The following RSF1 variants were observed in gnomAD, a reference collection of about 807,000 sequenced individuals.
The protein encoded by RSF1 is HBV pX-associated protein 8.
In RSF1, 13 loss-of-function variants were observed where a neutral mutation model predicts 145.2. That is an observed-to-expected ratio of 0.09 (90% CI 0.06 to 0.14). RSF1 has a LOEUF of 0.14. Among genes scored for constraint, RSF1 ranks in the 10% least tolerant of loss-of-function variants. The pLI, the probability that RSF1 is intolerant of heterozygous loss-of-function variation, is 1.00. For synonymous variants in RSF1, 577 were observed against 592.6 expected, an observed-to-expected ratio of 0.97 and a Z score of 0.38; for missense variants, 1,517 against 1,718.2, an observed-to-expected ratio of 0.88 and a Z score of 2.07.
chr11:77,837,525 G>T, the RSF1 span, among the ~76,000 whole-genome samples: 1 of 152,002 alleles, frequency 6.6e-6, no homozygotes. Context: ...TGCGATCTTG[G>T]CTCATTGTTA....
chr11:77,699,932 CTATAT>C (rs1960373409), intron 6 of RSF1, among the ~76,000 whole-genome samples: 1 of 152,142 alleles, frequency 6.6e-6, no homozygotes, highest in South Asian at 2.1e-4. Context: ...AAAAGGGATA[CTATAT>C]CTACGGACAT....
At chr11:77,754,231 A>G (rs1031068636) in intron 2 of RSF1, among the ~76,000 whole-genome samples, 4 of 152,172 alleles carry the variant, frequency 2.6e-5, no homozygotes, top group Non-Finnish European at 5.9e-5. Context: ...ATATGCTGAA[A>G]ATAAAAAAGA....
chr11:77,777,575 A>G (rs1012019792), intron 1 of RSF1, among the ~76,000 whole-genome samples: 16 of 152,206 alleles, frequency 1.1e-4, no homozygotes, highest in African/African-American at 3.9e-4. Flanking sequence ...CCTGGGCAAC[A>G]AGAGCGAAAC....
At chr11:77,832,697 GAA>G in the RSF1 span, among the ~76,000 whole-genome samples, 1 of 133,356 alleles carries the variant, frequency 7.5e-6, no homozygotes, top group Admixed American at 7.7e-5. Flanking sequence ...TCTGTTTTAA[GAA>G]AAAAAAAAAA....
chr11:77,792,547 C>G (rs527296045), intron 1 of RSF1, among the ~76,000 whole-genome samples: 2 of 152,284 alleles, frequency 1.3e-5, no homozygotes, highest in East Asian at 3.9e-4. Context: ...GCTAGCAACC[C>G]AGTCCCCAGG....
intron 7 of RSF1, among the ~76,000 whole-genome samples, 153 bp from the exon 8 acceptor site, chr11:77,693,764 C>CATTTATTTATTT (rs149549639): frequency 0.061 from 9,007 of 146,598 alleles, 352 homozygotes; most frequent in Middle Eastern, 0.086. Context: ...AGGGATCTGA[C>CATTTATTTATTT]ATTTATTTAT....
chr11:77,717,196 A>C (rs1388161650), intron 5 of RSF1, among the ~76,000 whole-genome samples: 6 of 137,366 alleles, frequency 4.4e-5, no homozygotes, highest in Non-Finnish European at 7.9e-5. Flanking sequence ...AAAAAAAAAA[A>C]CACCTTGCAA....
At chr11:77,733,342 C>T (rs1455306979) in intron 4 of RSF1, among the ~76,000 whole-genome samples, 3 of 145,462 alleles carry the variant, frequency 2.1e-5, no homozygotes, top group Non-Finnish European at 4.5e-5. Context: ...CATATGAATA[C>T]TGGCTATATA....
chr11:77,687,318 TC>T (rs1267550774), intron 9 of RSF1, among the ~76,000 whole-genome samples: 2 of 152,234 alleles, frequency 1.3e-5, no homozygotes, highest in Non-Finnish European at 2.9e-5. Flanking sequence ...ACAGTAACTT[TC>T]CTTTCTTTTC....
At chr11:77,780,368 A>G (rs1948390434) in intron 1 of RSF1, among the ~76,000 whole-genome samples, 4 of 152,238 alleles carry the variant, frequency 2.6e-5, no homozygotes, top group Admixed American at 2.0e-4. Context: ...AAAATAAAAT[A>G]TCTGTCTTCA....
Position 77,740,790 on chromosome 11 carries a change from G to A in RSF1, c.519C>T (p.Val173=). The A allele has an allele frequency of 6.2e-7, 1 of 1,614,124 alleles. No homozygotes were observed. Among genetic ancestry groups the A allele is most frequent in the Non-Finnish European group, 8.5e-7 (1 of 1,180,002 alleles). ...YWYQLDQDHN[V]RMYIEEQDDQ... is the part of the protein sequence containing the mutation. Reference sequence around the variant, plus strand: ...CATCTTGTTCTTCTATGTACATTCTGACATTGTGATCTTGATCCAATTGGT... The same window carrying A: ...CATCTTGTTCTTCTATGTACATTCTAACATTGTGATCTTGATCCAATTGGT... Residue 173 remains valine, a synonymous_variant, in exon 4 of 16, where the codon GTC becomes GTT. Transcript: ENST00000308488.
At chr11:77,862,584 G>A in the RSF1 span, among the ~76,000 whole-genome samples, 1 of 152,094 alleles carries the variant, frequency 6.6e-6, no homozygotes, top group East Asian at 1.9e-4. Flanking sequence ...AGGTTGAAGG[G>A]GTGTCCTTAT....
At chr11:77,852,956 G>A in the RSF1 span, among the ~76,000 whole-genome samples, 11 of 152,114 alleles carry the variant, frequency 7.2e-5, 1 homozygote, top group East Asian at 7.7e-4. Flanking sequence ...ATGGGTACTC[G>A]ATTGCTTTCA....
rs774642000 is a variant in RSF1, at chr11:77,701,552, G to T, written c.1677C>A (p.Thr559=). 3.1e-6 allele frequency: 5 copies of T among 1,613,826 alleles called. No individual in the cohort carries two copies. The African/African-American group carries it at 6.7e-5, about 22-fold the overall frequency. Residue 559 remains threonine, a synonymous_variant, in exon 6 of 16, where the codon ACC becomes ACA. Transcript: ENST00000308488. ...CTTCACCTTTCATGGTACACGACTC[G>T]GTGGAAGATAAAGCAGTTTTTGAAG... ...DLSSKTALSS[T]ESCTMKGEEK...
Position 77,701,153 on chromosome 11 carries a change from C to T in RSF1, c.2076G>A (p.Glu692=), listed in dbSNP as rs943389622. 1 of 1,614,122 alleles carries T rather than the reference C, an allele frequency of 6.2e-7. No homozygotes were observed. Among genetic ancestry groups the T allele is most frequent in the Non-Finnish European group, 8.5e-7 (1 of 1,180,020 alleles). ...NLDNAQTSGI[E]EPSETKGSMQ... Reference sequence around the variant, plus strand: ...TAGAACCCTTTGTCTCAGAAGGCTCCTCTATGCCAGAGGTCTGGGCATTGT... The same window carrying T: ...TAGAACCCTTTGTCTCAGAAGGCTCTTCTATGCCAGAGGTCTGGGCATTGT... The change falls in exon 6 of 16, where the codon GAG becomes GAA. Residue 692 remains glutamate (E), a synonymous_variant. Transcript: ENST00000308488.
the RSF1 span, among the ~76,000 whole-genome samples, chr11:77,857,753 T>C: frequency 0.04 from 5,968 of 149,266 alleles, 383 homozygotes; most frequent in African/African-American, 0.14. Flanking sequence ...CTGGAGGGCA[T>C]TGGCGTAATC....
In RSF1 at chr11:77,699,729, C is replaced by T. The variant is rs1295391073; in HGVS notation, c.2508+992G>A. 2.0e-5 allele frequency among the ~76,000 whole-genome samples: 3 copies of T among 152,130 alleles called. No individual in the cohort carries two copies. In the East Asian group the frequency reaches 5.8e-4, roughly 29 times the overall value. ...CTATCAAAACTTAAAATATACATGTCCCTTGACCCAGCAATTCCAATTCTA... is the reference window on the plus strand; with the variant it reads ...CTATCAAAACTTAAAATATACATGTTCCTTGACCCAGCAATTCCAATTCTA... On this transcript the variant is annotated intron_variant, in intron 6 of 15. Coordinates refer to ENST00000308488, the MANE Select transcript of RSF1 (RefSeq NM_016578.4).
At chr11:77,850,068 T>C in the RSF1 span, among the ~76,000 whole-genome samples, 1 of 152,234 alleles carries the variant, frequency 6.6e-6, no homozygotes, top group Admixed American at 6.5e-5. Flanking sequence ...AAATGTTTGC[T>C]GAATTGAAAT....
intron 9 of RSF1, 189 bp downstream of exon 9, chr11:77,690,970 C>T (rs981114124): frequency 1.9e-5 from 10 of 517,102 alleles, no homozygotes; most frequent in South Asian, 3.4e-5. Flanking sequence ...CTAGTTTTTC[C>T]CCCCAATCAT....
Sources: gnomAD v4.1 joint callset for allele counts (sites outside exome capture counted in the v4.1 genomes callset) on GRCh38, gnomAD v4.1.1 for gene constraint, MANE v1.5 for transcripts, NCBI Gene and HGNC (gene_info 2026-07-23, HGNC 2026-07-21) for gene names.